Variants in KDM3B observed in about 807,000 individuals in gnomAD.
The protein encoded by KDM3B is lysine-specific demethylase 3B.
KDM3B carries 10 observed loss-of-function variants against 170.0 expected under a neutral mutation model. That is an observed-to-expected ratio of 0.06 (90% CI 0.04 to 0.10). The LOEUF (loss-of-function observed/expected upper bound fraction) is 0.10. Among genes scored for constraint, KDM3B ranks in the 10% least tolerant of loss-of-function variants. KDM3B has a pLI of 1.00. For missense variants in KDM3B, 1,394 were observed against 2,195.2 expected (o/e 0.64, Z 7.29); for synonymous variants, 831 against 834.8 (o/e 1.00, Z 0.08).
intron 1 of KDM3B, among the ~76,000 whole-genome samples, chr5:138,371,838 A>G (rs1206698828): frequency 6.6e-6 from 1 of 152,168 alleles, no homozygotes; most frequent in Non-Finnish European, 1.5e-5. Flanking sequence ...TAAATTTTAA[A>G]AAAGGCTGGG....
intron 11 of KDM3B, among the ~76,000 whole-genome samples, chr5:138,407,833 C>T (rs1191536267): frequency 2.0e-5 from 3 of 152,124 alleles, no homozygotes; most frequent in East Asian, 1.9e-4. Context: ...AAAGAGTCCT[C>T]GTCCAACAGC....
chr5:138,431,387 A>G, intron 22 of KDM3B, 38 bp from the exon 23 acceptor site: 1 of 1,518,220 alleles, frequency 6.6e-7, no homozygotes, highest in Non-Finnish European at 8.9e-7. Context: ...TGAATCTCTA[A>G]TGTCTGATAT....
At chr5:138,377,920 G>A (rs1762037622) in intron 4 of KDM3B, 95 bp downstream of exon 4, 1 of 695,680 alleles carries the variant, frequency 1.4e-6, no homozygotes, top group Non-Finnish European at 2.3e-6. Flanking sequence ...TTAAACATTT[G>A]TACTTATCTC....
chr5:138,384,158 A>G (rs1366278268), intron 6 of KDM3B, among the ~76,000 whole-genome samples: 1 of 150,370 alleles, frequency 6.7e-6, no homozygotes, highest in Non-Finnish European at 1.5e-5. Context: ...AGGTAGGAGA[A>G]TGGCGTGAAC....
chr5:138,390,925 T>G, intron 7 of KDM3B, 88 bp from the exon 8 acceptor site: 1 of 1,252,352 alleles, frequency 8.0e-7, no homozygotes, highest in Non-Finnish European at 1.1e-6. Context: ...CCAAGAAATG[T>G]TGATCTGGTG....
chr5:138,388,559 G>T (rs1762342727), intron 7 of KDM3B, among the ~76,000 whole-genome samples: 1 of 151,366 alleles, frequency 6.6e-6, no homozygotes, highest in African/African-American at 2.4e-5. Context: ...GTGAACCCGG[G>T]AGGCAGAGCT....
At chr5:138,431,316 A>C in intron 22 of KDM3B, 109 bp from the exon 23 acceptor site, 1 of 913,534 alleles carries the variant, frequency 1.1e-6, no homozygotes, top group South Asian at 2.2e-5. Context: ...AAAAATGGAA[A>C]TATTATACCT....
intron 7 of KDM3B, among the ~76,000 whole-genome samples, chr5:138,387,057 A>G (rs1318848085): frequency 6.6e-6 from 1 of 151,688 alleles, no homozygotes; most frequent in African/African-American, 2.4e-5. Flanking sequence ...ATCATTTTCT[A>G]TGATATTTTC....
chr5:138,430,003 T>C (rs1286651116), intron 21 of KDM3B, 38 bp downstream of exon 21: 3 of 1,607,330 alleles, frequency 1.9e-6, no homozygotes, highest in Non-Finnish European at 2.6e-6. Flanking sequence ...AGCTCACATA[T>C]CAAGAGTCTC....
intron 6 of KDM3B, among the ~76,000 whole-genome samples, chr5:138,382,855 C>T (rs1762160006): frequency 6.6e-6 from 1 of 152,086 alleles, no homozygotes; most frequent in South Asian, 2.1e-4. Context: ...ACTGTGTTTG[C>T]ATGCCAAAAA....
intron 1 of KDM3B, among the ~76,000 whole-genome samples, chr5:138,360,506 A>AT: frequency 7.5e-6 from 1 of 133,074 alleles, no homozygotes; most frequent in East Asian, 2.2e-4. Context: ...TGTATAGTTG[A>AT]TTTTTTAAAA....
intron 13 of KDM3B, among the ~76,000 whole-genome samples, chr5:138,418,452 A>G (rs11957992): frequency 0.01 from 1,576 of 152,260 alleles, 34 homozygotes; most frequent in African/African-American, 0.036. Flanking sequence ...GCTACAACAC[A>G]TCGTTGATGA....
chr5:138,432,243 A>G (rs1049013238), intron 23 of KDM3B, among the ~76,000 whole-genome samples: 12 of 152,220 alleles, frequency 7.9e-5, no homozygotes, highest in Non-Finnish European at 1.6e-4. Flanking sequence ...GCAGATTTCT[A>G]TGCAGACTCA....
At position 138,431,673 on chromosome 5, in the gene KDM3B, G is replaced by A. The variant is rs568647505; in HGVS notation, c.5205+114G>A. On this transcript the variant is annotated intron_variant, in intron 23 of 23. Transcript: ENST00000314358. ...ATTCTCCGAAGGTCTAATTGTGGAG[G>A]AGAAATGATGCAGGGAAGAAGTTTG... 3.1e-5 allele frequency: 30 copies of A among 957,110 alleles called. No homozygotes were observed. The East Asian group carries it at 4.3e-4, about 14-fold the overall frequency. The allele number at this position is 957,110 out of a possible 1,614,324, so 59.3% of individuals were successfully genotyped here.
intron 1 of KDM3B, among the ~76,000 whole-genome samples, chr5:138,365,677 T>A (rs1761726044): frequency 6.6e-6 from 1 of 151,728 alleles, no homozygotes; most frequent in Non-Finnish European, 1.5e-5. Flanking sequence ...AGTAATTCTT[T>A]CCTCTTTAAA....
chr5:138,419,694 TATATATACACAC>T (rs1763213261), intron 14 of KDM3B, among the ~76,000 whole-genome samples: 3 of 126,412 alleles, frequency 2.4e-5, no homozygotes, highest in African/African-American at 9.6e-5. Context: ...TATATACATA[TATATATACACAC>T]ACACATATAT....
At chr5:138,375,471 C>T (rs1048533826) in intron 3 of KDM3B, among the ~76,000 whole-genome samples, 17 of 151,706 alleles carry the variant, frequency 1.1e-4, no homozygotes, top group African/African-American at 4.1e-4. Flanking sequence ...TCCGCCTCCC[C>T]GGTTCACTCC....
chr5:138,384,311 G>T (rs951377376), intron 6 of KDM3B, among the ~76,000 whole-genome samples: 3 of 150,618 alleles, frequency 2.0e-5, no homozygotes, highest in Non-Finnish European at 3.0e-5. Context: ...TGAATGAAAG[G>T]TTTAGAGGCT....
At chr5:138,399,741 T>C (rs1004242015) in intron 10 of KDM3B, 119 bp from the exon 11 acceptor site, 34 of 812,284 alleles carry the variant, frequency 4.2e-5, no homozygotes, top group Non-Finnish European at 6.5e-5. Flanking sequence ...AAACACAGAC[T>C]TTATGAATCT....
Sources: allele counts gnomAD v4.1 joint callset (sites outside exome capture counted in the v4.1 genomes callset), GRCh38; gene constraint gnomAD v4.1.1; transcripts MANE v1.5; gene names NCBI Gene and HGNC (gene_info 2026-07-23, HGNC 2026-07-21).